The following FSIP1 variants were observed in gnomAD, a reference collection of about 807,000 sequenced individuals.
FSIP1 encodes fibrous sheath-interacting protein 1.
FSIP1 carries 65 observed loss-of-function variants against 60.9 expected under a neutral mutation model. The ratio of observed to expected loss-of-function variants is 1.07; its 90% CI spans 0.87 to 1.31. The LOEUF (loss-of-function observed/expected upper bound fraction) is 1.31. FSIP1 is among the 40% of genes most tolerant of loss of function. FSIP1 has a pLI of 0.00. For missense variants in FSIP1, 675 were observed against 665.5 expected (o/e 1.01, Z -0.16); for synonymous variants, 209 against 221.2 (o/e 0.94, Z 0.49).
At chr15:39,698,645 T>C (rs565984399) in intron 10 of FSIP1, among the ~76,000 whole-genome samples, 1 of 152,344 alleles carries the variant, frequency 6.6e-6, no homozygotes, top group South Asian at 2.1e-4. Context: ...TTGTGCCACA[T>C]ACACTTGAGC....
At chr15:39,663,544 G>C (rs1018019886) in intron 10 of FSIP1, among the ~76,000 whole-genome samples, 1 of 152,088 alleles carries the variant, frequency 6.6e-6, no homozygotes, top group Admixed American at 6.5e-5. Context: ...GGTAGCTGCA[G>C]TTATATTCAA....
chr15:39,706,807 T>G (rs188800097), intron 10 of FSIP1, among the ~76,000 whole-genome samples: 105 of 152,338 alleles, frequency 6.9e-4, no homozygotes, highest in Admixed American at 1.2e-3. Flanking sequence ...TTCCAGGACT[T>G]TCCTATGTTT....
intron 9 of FSIP1, among the ~76,000 whole-genome samples, chr15:39,717,256 G>C (rs541686166): frequency 3.6e-4 from 19 of 52,712 alleles, no homozygotes; most frequent in Admixed American, 9.8e-4. Flanking sequence ...AAACAGCCCA[G>C]ATGTCCATCA....
At chr15:39,615,744 A>T (rs1438431149) in intron 11 of FSIP1, among the ~76,000 whole-genome samples, 1 of 151,136 alleles carries the variant, frequency 6.6e-6, no homozygotes, top group Non-Finnish European at 1.5e-5. Flanking sequence ...AAAAAAAAAA[A>T]AGTCAAACTC....
intron 5 of FSIP1, among the ~76,000 whole-genome samples, chr15:39,750,447 C>T (rs901181346): frequency 1.1e-4 from 16 of 151,904 alleles, no homozygotes; most frequent in African/African-American, 3.9e-4. Context: ...GACACACAGA[C>T]CAGCAGAACA....
At chr15:39,657,108 C>T (rs1039046631) in intron 10 of FSIP1, among the ~76,000 whole-genome samples, 3 of 152,242 alleles carry the variant, frequency 2.0e-5, no homozygotes, top group African/African-American at 7.2e-5. Flanking sequence ...GTCTCAAAGA[C>T]CGGGCATTTC....
chr15:39,740,732 T>C (rs1342416434), intron 6 of FSIP1, among the ~76,000 whole-genome samples: 3 of 152,224 alleles, frequency 2.0e-5, no homozygotes, highest in Non-Finnish European at 4.4e-5. Context: ...TTATAGCTAG[T>C]TATCAAAGAG....
intron 10 of FSIP1, among the ~76,000 whole-genome samples, chr15:39,627,652 T>C (rs757227596): frequency 6.6e-6 from 1 of 151,976 alleles, no homozygotes; most frequent in African/African-American, 2.4e-5. Flanking sequence ...TCTCTCTGCA[T>C]GTGTCCCACA....
chr15:39,607,898 C>T (rs1426911884), intron 11 of FSIP1, among the ~76,000 whole-genome samples: 2 of 152,140 alleles, frequency 1.3e-5, no homozygotes, highest in African/African-American at 4.8e-5. Context: ...GGAGGTAGAA[C>T]AGAAATGTAA....
Position 39,617,810 on chromosome 15 carries a change from G to A in FSIP1, c.1624C>T (p.Leu542=), listed in dbSNP as rs545023586. The A allele has an allele frequency of 3.2e-5, 51 of 1,614,052 alleles. No individual in the cohort carries two copies. Among genetic ancestry groups the A allele is most frequent in the Non-Finnish European group, 4.1e-5 (48 of 1,179,916 alleles). The change falls in exon 11 of 12, where the codon CTG becomes TTG. Residue 542 remains leucine (L), a synonymous_variant. Transcript: ENST00000350221. The part of the protein sequence containing the change: ...LKRPSFLDDP[L]YGISVSLSSE... Reference sequence around the variant, plus strand: ...GAAAGGCTCACACTGATACCATACAGTGGATCATCTAAGAAGGAGGGCCTT... The same window carrying A: ...GAAAGGCTCACACTGATACCATACAATGGATCATCTAAGAAGGAGGGCCTT...
intron 10 of FSIP1, among the ~76,000 whole-genome samples, chr15:39,620,599 C>CT (rs953627959): frequency 7.2e-4 from 106 of 147,778 alleles, no homozygotes; most frequent in Non-Finnish European, 1.0e-3. Context: ...TAAATGTATT[C>CT]TTTTTTTTTT....
At chr15:39,782,200 T>G (rs1018059724) in intron 1 of FSIP1, among the ~76,000 whole-genome samples, 3 of 152,358 alleles carry the variant, frequency 2.0e-5, no homozygotes, top group African/African-American at 7.2e-5. Flanking sequence ...CTCATAGGTG[T>G]AAAAGGTATC....
intron 10 of FSIP1, among the ~76,000 whole-genome samples, chr15:39,666,478 C>T (rs10520145): frequency 0.15 from 23,319 of 152,074 alleles, 2,399 homozygotes; most frequent in African/African-American, 0.28. Flanking sequence ...GAGGTAATAA[C>T]TAAACTCCCA....
intron 10 of FSIP1, among the ~76,000 whole-genome samples, chr15:39,670,208 G>T (rs1595594969): frequency 6.6e-6 from 1 of 152,122 alleles, no homozygotes; most frequent in Non-Finnish European, 1.5e-5. Context: ...GAGCCCAAAA[G>T]GTCCTTTCAT....
Position 39,775,193 on chromosome 15 carries a change from T to G in FSIP1, c.126+1206A>C, listed in dbSNP as rs137876100. ...ACCATGTCCTGCTAATTTTTTTAAT[T>G]TTTTGTAGACTCAGGGTCTCACAAT... On this transcript the variant is annotated intron_variant, in intron 2 of 11. Coordinates refer to ENST00000350221, the MANE Select transcript of FSIP1 (RefSeq NM_152597.5). Among the ~76,000 whole-genome samples, 12 of 152,246 alleles carry G rather than the reference T, an allele frequency of 7.9e-5. No homozygotes were observed. The East Asian group carries it at 1.7e-3, about 22-fold the overall frequency.
chr15:39,643,310 C>T (rs971593299), intron 10 of FSIP1, among the ~76,000 whole-genome samples: 1 of 152,128 alleles, frequency 6.6e-6, no homozygotes. Flanking sequence ...AGTTTGTTTC[C>T]TTCTTACGGT....
intron 5 of FSIP1, among the ~76,000 whole-genome samples, chr15:39,758,161 T>C (rs16969802): frequency 0.24 from 36,838 of 151,892 alleles, 4,820 homozygotes; most frequent in Admixed American, 0.38. Flanking sequence ...TAGATTTAAG[T>C]CAAATATACG....
intron 11 of FSIP1, among the ~76,000 whole-genome samples, chr15:39,611,365 A>G (rs1409268580): frequency 6.6e-6 from 1 of 152,104 alleles, no homozygotes; most frequent in African/African-American, 2.4e-5. Flanking sequence ...TTGCCCAGGC[A>G]GGGCTCAAAC....
intron 10 of FSIP1, among the ~76,000 whole-genome samples, chr15:39,636,973 A>G (rs2140412956): frequency 6.6e-6 from 1 of 152,306 alleles, no homozygotes; most frequent in East Asian, 1.9e-4. Context: ...CAGTTTTTCA[A>G]GTCCTCATTC....
Sources: allele counts gnomAD v4.1 joint callset (sites outside exome capture counted in the v4.1 genomes callset), GRCh38; gene constraint gnomAD v4.1.1; transcripts MANE v1.5; gene names NCBI Gene and HGNC (gene_info 2026-07-23, HGNC 2026-07-21).